The following SUN1 variants were observed in gnomAD, a reference collection of about 807,000 sequenced individuals.
The protein encoded by SUN1 is Sad1 and UNC84 domain containing 1, also known as SUN domain-containing protein 1.
A neutral mutation model predicts 103.2 loss-of-function variants in SUN1; 61 were observed. The ratio of observed to expected loss-of-function variants is 0.59; its 90% CI spans 0.48 to 0.73. The LOEUF (loss-of-function observed/expected upper bound fraction) is 0.73. Ranked by LOEUF, SUN1 falls within the 30% of genes least tolerant of loss-of-function variation. The pLI, the probability that SUN1 is intolerant of heterozygous loss-of-function variation, is 0.00. For synonymous variants in SUN1, 490 were observed against 425.7 expected (o/e 1.15, Z -1.86); for missense variants, 1,052 against 1,034.6 (o/e 1.02, Z -0.23).
upstream of SUN1, chr7:816,179 A>ATGCAGACCCCCCCCCCAGG (rs1562434708): frequency 4.2e-6 from 1 of 238,862 alleles, no homozygotes; most frequent in Admixed American, 7.3e-5. Flanking sequence ...GCCCTCCGCG[A>ATGCAGACCCCCCCCCCAGG]TGCAGACCCC....
chr7:825,033 T>TA (rs1471303473), intron 1 of SUN1, among the ~76,000 whole-genome samples: 1 of 152,148 alleles, frequency 6.6e-6, no homozygotes, highest in East Asian at 1.9e-4. Context: ...GAAATTTGTT[T>TA]CTTTTTGAAA....
chr7:848,276 C>T, intron 5 of SUN1: 1 of 706,782 alleles, frequency 1.4e-6, no homozygotes, highest in East Asian at 5.9e-5. Context: ...CTGTCCACTG[C>T]CAGCTGGGCT....
intron 1 of SUN1, among the ~76,000 whole-genome samples, chr7:821,384 G>A (rs1785850711): frequency 6.6e-6 from 1 of 152,002 alleles, no homozygotes; most frequent in Non-Finnish European, 1.5e-5. Context: ...TGGTCAGGCT[G>A]ATCTTGATCT....
intron 1 of SUN1, among the ~76,000 whole-genome samples, chr7:818,613 G>A (rs1783061451): frequency 6.6e-6 from 1 of 152,150 alleles, no homozygotes; most frequent in African/African-American, 2.4e-5. Flanking sequence ...TTGAGGAACT[G>A]CCAAACTGTT....
intron 15 of SUN1, 91 bp from the exon 16 acceptor site, chr7:865,861 A>C: frequency 9.1e-7 from 1 of 1,096,002 alleles, no homozygotes; most frequent in East Asian, 2.4e-5. Flanking sequence ...CTTTTCTTGG[A>C]AACATTTTAA....
intron 12 of SUN1, 76 bp from the exon 13 acceptor site, chr7:857,752 C>G: frequency 6.9e-7 from 1 of 1,440,004 alleles, no homozygotes; most frequent in South Asian, 1.6e-5. Context: ...TCGGGTTCCC[C>G]TCAGCCTGTG....
intron 1 of SUN1, among the ~76,000 whole-genome samples, chr7:837,638 A>G (rs756098220): frequency 2.7e-4 from 41 of 152,250 alleles, no homozygotes; most frequent in Non-Finnish European, 5.3e-4. Context: ...TCCGTTTGAA[A>G]TTTTATGTTC....
rs989596843 is a variant in SUN1 at position 839,774 on chromosome 7, G to A, written c.266+788G>A. On this transcript the variant is annotated intron_variant, in intron 2 of 18. Coordinates refer to ENST00000401592, the MANE Select transcript of SUN1 (RefSeq NM_001130965.3). The stretch of plus-strand genomic sequence containing the variant: ...TCACCATGTTGGCCAGGCTGGTCTC[G>A]AACTCCTGGTCTCAGGTGATCCGCC... Among the ~76,000 whole-genome samples, 14 of 145,948 alleles carry A rather than the reference G, an allele frequency of 9.6e-5. 2 individuals are homozygous for A. Among genetic ancestry groups the A allele is most frequent in the African/African-American group, 2.0e-4 (8 of 39,354 alleles).
chr7:823,695 T>TAAA (rs1309357781), intron 1 of SUN1, among the ~76,000 whole-genome samples: 5 of 152,142 alleles, frequency 3.3e-5, no homozygotes, highest in Non-Finnish European at 7.4e-5. Context: ...TCAGGTGGTT[T>TAAA]TCTCAAGGAT....
chr7:832,699 AC>A, intron 1 of SUN1, 98 bp downstream of exon 1: 1 of 893,606 alleles, frequency 1.1e-6, no homozygotes, highest in Non-Finnish European at 1.8e-6. Flanking sequence ...ACTACCGACT[AC>A]ATGCTGTATT....
upstream of SUN1, among the ~76,000 whole-genome samples, chr7:815,721 G>A (rs1780156370): frequency 2.6e-5 from 4 of 152,378 alleles, no homozygotes; most frequent in Admixed American, 2.0e-4. Context: ...TTCCACGCGG[G>A]AAGAGCCGGC....
intron 1 of SUN1, 135 bp from the exon 2 acceptor site, chr7:838,663 A>G: frequency 1.1e-6 from 1 of 885,636 alleles, no homozygotes; most frequent in Non-Finnish European, 1.6e-6. Flanking sequence ...TTTGCTTTAG[A>G]GTGAGGTTGT....
At chr7:860,040 T>G in intron 13 of SUN1, 88 bp from the exon 14 acceptor site, 1 of 1,485,194 alleles carries the variant, frequency 6.7e-7, no homozygotes. Flanking sequence ...GATATATAAT[T>G]CTTCTGAGGT....
In SUN1 at chr7:832,618, A is replaced by T. The variant is rs143917535; in HGVS notation, c.77+17A>T. On this transcript the variant is annotated intron_variant, in intron 1 of 18. Transcript: ENST00000401592. ...TGCGCTCAGGTGAGTGTGCACCTGCACGTGGGGTCCTGGCCTTGCAATGCC... is the reference window on the plus strand; with the variant it reads ...TGCGCTCAGGTGAGTGTGCACCTGCTCGTGGGGTCCTGGCCTTGCAATGCC... 4.7e-3 allele frequency: 7,567 copies of T among 1,601,480 alleles called. 29 individuals are homozygous for T. Among genetic ancestry groups the T allele is most frequent in the Non-Finnish European group, 4.4e-3 (5,198 of 1,172,320 alleles).
chr7:817,771 G>A (rs1782193315), intron 1 of SUN1, among the ~76,000 whole-genome samples: 1 of 152,128 alleles, frequency 6.6e-6, no homozygotes, highest in African/African-American at 2.4e-5. Context: ...GTTTTTTGAA[G>A]CCTTTAGTTT....
chr7:854,247 T>TC (rs1287055353), intron 10 of SUN1, among the ~76,000 whole-genome samples: 1 of 152,194 alleles, frequency 6.6e-6, no homozygotes, highest in Non-Finnish European at 1.5e-5. Context: ...TGCCTGTGGG[T>TC]GTGATCATGG....
rs774244640 is a variant in SUN1, at chr7:873,164, G to C, written c.2242-51G>C. On this transcript the variant is annotated intron_variant, in intron 18 of 18. Transcript: ENST00000401592. ...CATATTTGGGGAAGTGATTGGACTTGGGGTTATTAATATGAAATACATGTG... is the reference window on the plus strand; with the variant it reads ...CATATTTGGGGAAGTGATTGGACTTCGGGTTATTAATATGAAATACATGTG... The C allele has an allele frequency of 2.6e-6, 4 of 1,520,422 alleles. No homozygotes were observed. The Admixed American group carries it at 5.0e-5, about 19-fold the overall frequency. The allele number at this position is 1,520,422 out of a possible 1,614,324, so 94.2% of individuals were successfully genotyped here. A position where few individuals can be genotyped will look rare whatever the true frequency, so the allele number is the denominator to read the frequency against.
At chr7:849,122 T>C (rs1373922738) in intron 5 of SUN1, among the ~76,000 whole-genome samples, 2 of 152,186 alleles carry the variant, frequency 1.3e-5, no homozygotes, top group Non-Finnish European at 2.9e-5. Flanking sequence ...CGGCTAATTT[T>C]TTGCATTTTT....
At chr7:832,092 G>A (rs748821596), upstream of SUN1, 4 of 996,964 alleles carry the variant, frequency 4.0e-6, no homozygotes, top group Non-Finnish European at 4.8e-6. Context: ...GCTTGACCAC[G>A]CTGTAGCAGG....
Sources: allele counts gnomAD v4.1 joint callset (sites outside exome capture counted in the v4.1 genomes callset), GRCh38; gene constraint gnomAD v4.1.1; transcripts MANE v1.5; gene names NCBI Gene and HGNC (gene_info 2026-07-23, HGNC 2026-07-21).